The following PRDM2 variants were observed in gnomAD, a reference collection of about 807,000 sequenced individuals.
PRDM2 encodes the protein PR domain zinc finger protein 2.
PRDM2 carries 30 observed loss-of-function variants against 130.0 expected under a neutral mutation model. That is an observed-to-expected ratio of 0.23 (90% CI 0.17 to 0.31). The LOEUF is 0.31. Ranked by LOEUF, PRDM2 falls within the 10% of genes least tolerant of loss-of-function variation. The probability of loss-of-function intolerance (pLI) is 1.00; values close to 1 mark genes in which losing one functional copy is unlikely to be tolerated. For synonymous variants in PRDM2, 871 were observed against 782.4 expected (o/e 1.11, Z -1.89); for missense variants, 2,011 against 2,108.4 (o/e 0.95, Z 0.90).
chr1:13,780,185 C>G lies in PRDM2; in HGVS notation c.2390C>G (p.Pro797Arg). Reference protein sequence around the residue: ...SGRDERETVSPPCFDEYKMSK... With the variant: ...SGRDERETVSRPCFDEYKMSK... ...AGAGATGAGAGAGAAACTGTGAGCC[C>G]TCCATGCTTTGATGAATATAAAATG... is the stretch of plus-strand genomic sequence containing the variant. Residue 797 changes from proline to arginine, a missense_variant, in exon 8 of 10, where the codon CCT (proline) becomes CGT (arginine). Around this residue, in one of 5 missense-constraint regions of PRDM2, gnomAD observed 1,288 missense variants for 1,237.7 expected, o/e 1.04. Coordinates refer to ENST00000311066, the MANE Select transcript of PRDM2 (RefSeq NM_001393986.1). 1 of 1,600,398 alleles carries G rather than the reference C, an allele frequency of 6.2e-7. No homozygotes were observed. The highest frequency in any genetic ancestry group is 8.5e-7 in the Non-Finnish European group (1 of 1,172,248).
chr1:13,823,059 C>T (rs1645378977), intron 9 of PRDM2, 100 bp from the exon 10 acceptor site: 2 of 1,178,670 alleles, frequency 1.7e-6, no homozygotes, highest in Non-Finnish European at 2.5e-6. Context: ...TTTCAATAAA[C>T]AGTTTAGTTA....
Position 13,781,052 on chromosome 1 carries a change from C to T in PRDM2, c.3257C>T (p.Ser1086Phe), listed in dbSNP as rs1404252814. The change falls in exon 8 of 10, where the codon TCC (serine) becomes TTC (phenylalanine). Residue 1086 changes from serine (S) to phenylalanine (F), a missense_variant. Ser to Phe is a radical substitution (Grantham distance 155). Coordinates refer to ENST00000311066, the MANE Select transcript of PRDM2 (RefSeq NM_001393986.1). The surrounding 1 kb of genome is among the most constrained non-coding windows in gnomAD (Gnocchi z 6.1). ...CTCTCCGCAATATCATCTGTTGTTT[C>T]CTCTGGTGATAATCTGGAGGCTTCT... is the stretch of plus-strand genomic sequence containing the variant. ...PPLSAISSVVSSGDNLEASLP... is the reference protein window; with the variant it reads ...PPLSAISSVVFSGDNLEASLP... The T allele has an allele frequency of 1.9e-6, 3 of 1,612,282 alleles. No individual in the cohort carries two copies. The highest frequency in any genetic ancestry group is 2.5e-6 in the Non-Finnish European group (3 of 1,178,364).
chr1:13,799,729 GTTTATGCCGCTTGTA>G (rs1553164189), intron 8 of PRDM2, among the ~76,000 whole-genome samples: 1 of 152,162 alleles, frequency 6.6e-6, no homozygotes, highest in Non-Finnish European at 1.5e-5. Context: ...TCCCAAACCT[GTTTATGCCGCTTGTA>G]TTTATTATCA....
At chr1:13,790,758 C>G (rs896312980) in intron 8 of PRDM2, among the ~76,000 whole-genome samples, 3 of 152,092 alleles carry the variant, frequency 2.0e-5, no homozygotes, top group African/African-American at 7.2e-5. Flanking sequence ...TGCCATGGAT[C>G]TCTGTGCTGC....
At chr1:13,764,496 C>T (rs751557585) in intron 6 of PRDM2, among the ~76,000 whole-genome samples, 2 of 152,192 alleles carry the variant, frequency 1.3e-5, no homozygotes, top group African/African-American at 2.4e-5. Context: ...GCTTTCTTAT[C>T]TTGAATTTGG....
chr1:13,722,327 G>A (rs114868424), intron 2 of PRDM2, among the ~76,000 whole-genome samples: 2,758 of 152,194 alleles, frequency 0.018, 64 homozygotes, highest in South Asian at 0.12. Flanking sequence ...GATATTGATC[G>A]TCAGAAGAAT....
intron 1 of PRDM2, among the ~76,000 whole-genome samples, chr1:13,703,568 T>G (rs1013847863): frequency 3.3e-5 from 5 of 152,238 alleles, no homozygotes; most frequent in African/African-American, 9.6e-5. Flanking sequence ...GTTTCAGCAC[T>G]TTTGCTTCGG....
intron 2 of PRDM2, among the ~76,000 whole-genome samples, chr1:13,719,513 G>A (rs901505295): frequency 3.9e-5 from 6 of 152,208 alleles, no homozygotes; most frequent in Admixed American, 2.6e-4. Flanking sequence ...GGATTGTAAG[G>A]GAGCAAGAGT....
intron 6 of PRDM2, among the ~76,000 whole-genome samples, chr1:13,763,853 A>G (rs999776601): frequency 2.0e-5 from 3 of 152,160 alleles, no homozygotes; most frequent in Non-Finnish European, 4.4e-5. Context: ...ATCTGAATGT[A>G]TATCCTCTTG....
chr1:13,779,872 C>G lies in PRDM2; in HGVS notation c.2077C>G (p.Gln693Glu), dbSNP rs758797580. 1 of 1,609,474 alleles carries G rather than the reference C, an allele frequency of 6.2e-7. No individual in the cohort carries two copies. Among genetic ancestry groups the G allele is most frequent in the Non-Finnish European group, 8.5e-7 (1 of 1,179,328 alleles). The change falls in exon 8 of 10, where the codon CAA becomes GAA. Residue 693 changes from glutamine to glutamate, a missense_variant. Gln to Glu is a conservative substitution (Grantham distance 29). This residue lies in a region of PRDM2 where 1,288 missense variants were observed against 1,237.7 expected (regional missense o/e 1.04). Coordinates refer to ENST00000311066, the MANE Select transcript of PRDM2 (RefSeq NM_001393986.1). This position sits in a 1 kb window ranked among gnomAD's most constrained non-coding sequence, Gnocchi z 4.9. ...KSVYLSSKLKQLLQTQDKLTP... is the reference protein window; with the variant it reads ...KSVYLSSKLKELLQTQDKLTP... ...TGTTTATTTGTCATCAAAGCTCAAACAACTTCTTCAAACCCAAGATAAACT... is the reference window on the plus strand; with the variant it reads ...TGTTTATTTGTCATCAAAGCTCAAAGAACTTCTTCAAACCCAAGATAAACT...
At chr1:13,807,079 T>C (rs895565096) in intron 8 of PRDM2, among the ~76,000 whole-genome samples, 3 of 152,204 alleles carry the variant, frequency 2.0e-5, no homozygotes, top group African/African-American at 4.8e-5. Flanking sequence ...TCTGGATTTC[T>C]CCCTTATCCA....
At chr1:13,759,661 A>G (rs1348640475) in intron 6 of PRDM2, among the ~76,000 whole-genome samples, 4 of 152,164 alleles carry the variant, frequency 2.6e-5, no homozygotes, top group Non-Finnish European at 5.9e-5. Flanking sequence ...GCTGGGTCCC[A>G]AGTCTTCTAA....
intron 8 of PRDM2, among the ~76,000 whole-genome samples, chr1:13,813,067 C>T (rs1276515113): frequency 6.6e-6 from 1 of 152,160 alleles, no homozygotes; most frequent in Non-Finnish European, 1.5e-5. Flanking sequence ...CATATGAGTC[C>T]ACCAACCGCA....
Position 13,779,452 on chromosome 1 carries a change from G to A in PRDM2, c.1657G>A (p.Val553Met). Residue 553 changes from valine (V) to methionine (M), a missense_variant, in exon 8 of 10, where the codon GTG (valine) becomes ATG (methionine). Coordinates refer to ENST00000311066, the MANE Select transcript of PRDM2 (RefSeq NM_001393986.1). This position sits in a 1 kb window ranked among gnomAD's most constrained non-coding sequence, Gnocchi z 4.9. ...EPEEEGEADD[V>M]YIMDISSNIS... Reference sequence around the variant, plus strand: ...GGAGGAGGAAGGGGAAGCAGATGATGTGTACATCATGGACATTTCTAGCAA... The same window carrying A: ...GGAGGAGGAAGGGGAAGCAGATGATATGTACATCATGGACATTTCTAGCAA... 6.2e-7 allele frequency: 1 copy of A among 1,614,152 alleles called. No individual in the cohort carries two copies. The highest frequency in any genetic ancestry group is 8.5e-7 in the Non-Finnish European group (1 of 1,180,032).
At position 13,782,385 on chromosome 1, in the gene PRDM2, G is replaced by C; in HGVS notation, c.4590G>C (p.Pro1530=). ...AEIKMQSMQT[P]LGKTRARSSG... ...TTAAAATGCAAAGCATGCAGACTCC[G>C]TTGGGCAAGACCAGAGCCCGCAGCT... The change falls in exon 8 of 10, where the codon CCG becomes CCC. Residue 1530 remains proline (P), a synonymous_variant. Coordinates refer to ENST00000311066, the MANE Select transcript of PRDM2 (RefSeq NM_001393986.1). 1.2e-6 allele frequency: 2 copies of C among 1,613,758 alleles called. No homozygotes were observed. Among genetic ancestry groups the C allele is most frequent in the Non-Finnish European group, 1.7e-6 (2 of 1,180,014 alleles).
In PRDM2 at chr1:13,774,899, C is replaced by T. The variant is rs369748655; in HGVS notation, c.622+1711C>T. On this transcript the variant is annotated intron_variant, in intron 7 of 9. Transcript: ENST00000311066. ...AGGAAAATGGTGTGAACCCAGGAGG[C>T]GGAGCTTGCAGTGAGCCGAGATCGT... is the stretch of plus-strand genomic sequence containing the variant. Among the ~76,000 whole-genome samples the T allele has an allele frequency of 1.3e-4, 20 of 149,868 alleles. No individual in the cohort carries two copies. In the East Asian group the frequency reaches 2.6e-3, roughly 19 times the overall value.
intron 8 of PRDM2, among the ~76,000 whole-genome samples, chr1:13,804,783 C>A (rs1188736799): frequency 6.6e-6 from 1 of 152,176 alleles, no homozygotes; most frequent in East Asian, 1.9e-4. Flanking sequence ...GCAGTGAACA[C>A]CCGAGTTTGA....
chr1:13,703,797 A>G (rs1642133094), intron 1 of PRDM2, among the ~76,000 whole-genome samples: 1 of 152,262 alleles, frequency 6.6e-6, no homozygotes, highest in African/African-American at 2.4e-5. Flanking sequence ...TTGGTCCAGC[A>G]ACCCCTTGAA....
chr1:13,783,889 G>A (rs1644679547), intron 8 of PRDM2, among the ~76,000 whole-genome samples: 1 of 152,096 alleles, frequency 6.6e-6, no homozygotes, highest in Non-Finnish European at 1.5e-5. Context: ...GGTGTTTTAA[G>A]CAAGCAGAAT....
Sources: gnomAD v4.1 joint callset for allele counts (sites outside exome capture counted in the v4.1 genomes callset) on GRCh38, gnomAD v4.1.1 for gene constraint, gnomAD v4.1.1 regional missense constraint, Gnocchi (gnomAD v3.1) non-coding constraint, MANE v1.5 for transcripts, NCBI Gene and HGNC (gene_info 2026-07-23, HGNC 2026-07-21) for gene names.